Variants in ARNT2 observed in about 807,000 individuals in gnomAD.
The protein encoded by ARNT2 is aryl hydrocarbon receptor nuclear translocator 2.
Under a neutral mutation model 91.7 loss-of-function variants are expected in ARNT2, and 36 were observed. That is an observed-to-expected ratio of 0.39 (90% CI 0.30 to 0.52). The LOEUF is 0.52. Among genes scored for constraint, ARNT2 ranks in the 20% least tolerant of loss-of-function variants. The pLI is 0.72. For missense variants in ARNT2, 775 were observed against 939.3 expected (o/e 0.83, Z 2.29); for synonymous variants, 365 against 347.1 (o/e 1.05, Z -0.57).
chr15:80,455,467 C>G (rs1409476889), intron 2 of ARNT2, among the ~76,000 whole-genome samples: 1 of 152,026 alleles, frequency 6.6e-6, no homozygotes, highest in Non-Finnish European at 1.5e-5. Context: ...TTTCTCATAC[C>G]CTCTGCTTGA....
In ARNT2 at chr15:80,507,050, G is replaced by T. The variant is rs139224011; in HGVS notation, c.623-1106G>T. ...ACAGTGGGCTGGACACCAAAAGGGGGCAGTGAGTGTGGACAGAACCCTCCA... is the reference window on the plus strand; with the variant it reads ...ACAGTGGGCTGGACACCAAAAGGGGTCAGTGAGTGTGGACAGAACCCTCCA... On this transcript the variant is annotated intron_variant, in intron 5 of 18. Transcript: ENST00000303329. Among the ~76,000 whole-genome samples the T allele has an allele frequency of 5.8e-3, 877 of 152,340 alleles. 13 individuals carry two copies. The highest frequency in any genetic ancestry group is 0.021 in the African/African-American group (853 of 41,578).
chr15:80,539,966 G>A (rs1004445519), intron 8 of ARNT2, among the ~76,000 whole-genome samples: 1 of 151,920 alleles, frequency 6.6e-6, no homozygotes, highest in Non-Finnish European at 1.5e-5. Context: ...AACCACTAAG[G>A]AGAACAGTAT....
At chr15:80,431,535 C>T (rs1355336296) in intron 1 of ARNT2, among the ~76,000 whole-genome samples, 8 of 152,176 alleles carry the variant, frequency 5.3e-5, no homozygotes, top group African/African-American at 9.7e-5. Flanking sequence ...CTCCAAGTCC[C>T]GAAGCCATTC....
intron 1 of ARNT2, among the ~76,000 whole-genome samples, chr15:80,444,065 C>G (rs1392340604): frequency 6.6e-6 from 1 of 152,216 alleles, no homozygotes; most frequent in Non-Finnish European, 1.5e-5. Context: ...GGCAAACCCT[C>G]AGCTGCATGG....
At chr15:80,496,547 T>C (rs1897128010) in intron 5 of ARNT2, among the ~76,000 whole-genome samples, 1 of 152,226 alleles carries the variant, frequency 6.6e-6, no homozygotes, top group Non-Finnish European at 1.5e-5. Flanking sequence ...GTGGGATACA[T>C]GTAGCCTGCC....
chr15:80,554,581 A>G (rs1187024937), intron 10 of ARNT2: 2 of 159,730 alleles, frequency 1.3e-5, no homozygotes, highest in African/African-American at 4.8e-5. Context: ...AGCATAGACT[A>G]ATGATGATAA....
intron 5 of ARNT2, among the ~76,000 whole-genome samples, chr15:80,485,710 C>T (rs1391701944): frequency 6.6e-6 from 1 of 152,060 alleles, no homozygotes; most frequent in African/African-American, 2.4e-5. Context: ...GACTCCAAGA[C>T]CAATTGCAGG....
chr15:80,443,561 G>A (rs764989795), intron 1 of ARNT2, among the ~76,000 whole-genome samples: 2 of 152,178 alleles, frequency 1.3e-5, no homozygotes, highest in Admixed American at 6.5e-5. Context: ...CGGAGGCAGC[G>A]CTGCTGCCAG....
chr15:80,584,033 A>G (rs1314616204), intron 17 of ARNT2, among the ~76,000 whole-genome samples: 2 of 152,202 alleles, frequency 1.3e-5, no homozygotes, highest in Non-Finnish European at 2.9e-5. Context: ...CAGCTATTTG[A>G]GTGGAATAGG....
rs1898876525 is a variant in ARNT2 at position 80,585,331 on chromosome 15, TGTG to T, written c.1918+3928_1918+3930del. Among the ~76,000 whole-genome samples, 6 of 152,328 alleles carry T rather than the reference TGTG, an allele frequency of 3.9e-5. No individual in the cohort carries two copies. In the South Asian group the frequency reaches 1.2e-3, roughly 32 times the overall value. On this transcript the variant is annotated intron_variant, in intron 17 of 18. Transcript: ENST00000303329. ...TTAACAAAGTAAGTGGGGAAAGTGT[TGTG>T]CCTGTAGGGCCCAGTCAGGAGACAG...
At chr15:80,405,318 G>A (rs1375530802) in intron 1 of ARNT2, among the ~76,000 whole-genome samples, 1 of 152,182 alleles carries the variant, frequency 6.6e-6, no homozygotes, top group African/African-American at 2.4e-5. Flanking sequence ...GATGAGCAGG[G>A]TGTGGGAGAA....
At chr15:80,508,898 A>T (rs577225832) in intron 6 of ARNT2, among the ~76,000 whole-genome samples, 1 of 152,288 alleles carries the variant, frequency 6.6e-6, no homozygotes, top group Non-Finnish European at 1.5e-5. Flanking sequence ...GAGAGCTGGG[A>T]TCTTGAATCC....
At chr15:80,558,695 G>A (rs1373276551) in intron 11 of ARNT2, among the ~76,000 whole-genome samples, 2 of 151,950 alleles carry the variant, frequency 1.3e-5, no homozygotes, top group South Asian at 2.1e-4. Flanking sequence ...CCTGTACAAG[G>A]GTGGCTCTCA....
At chr15:80,517,105 C>A (rs1897448934) in intron 8 of ARNT2, among the ~76,000 whole-genome samples, 1 of 151,678 alleles carries the variant, frequency 6.6e-6, no homozygotes, top group African/African-American at 2.4e-5. Flanking sequence ...TTCCAAGGAA[C>A]TTATTTTAGT....
intron 17 of ARNT2, among the ~76,000 whole-genome samples, chr15:80,586,730 G>A (rs1336417807): frequency 6.6e-6 from 1 of 151,868 alleles, no homozygotes; most frequent in Non-Finnish European, 1.5e-5. Context: ...GCCGGGCATG[G>A]TGGTGCGCGC....
intron 8 of ARNT2, among the ~76,000 whole-genome samples, chr15:80,515,234 C>T (rs1897413225): frequency 6.6e-6 from 1 of 152,068 alleles, no homozygotes; most frequent in Non-Finnish European, 1.5e-5. Context: ...ACAGAGTTAC[C>T]ATATAATTCA....
chr15:80,404,561 G>A lies in ARNT2; in HGVS notation c.31+15G>A. On this transcript the variant is annotated intron_variant, in intron 1 of 18. Coordinates refer to ENST00000303329, the MANE Select transcript of ARNT2 (RefSeq NM_014862.4). The surrounding 1 kb of genome is among the most constrained non-coding windows in gnomAD (Gnocchi z 5.5). ...CAACCCTCCGGGTGAGTAGCGGCCT[G>A]GGCCCCGCCGCCCGCCGCAGCCCGC... 1 of 1,108,208 alleles carries A rather than the reference G, an allele frequency of 9.0e-7. No homozygotes were observed. The highest frequency in any genetic ancestry group is 1.1e-6 in the Non-Finnish European group (1 of 902,860). 68.6% of individuals were successfully genotyped at this position (1,108,208 alleles called of 1,614,324 possible).
rs1471481725 is a variant in ARNT2, at chr15:80,574,296, G to C, written c.1389+76G>C. On this transcript the variant is annotated intron_variant, in intron 13 of 18. Transcript: ENST00000303329. ...GACTTGGGACTCAATTCAGCCCTGAGCTTGAGCCCCTCAACACAAAGGATT... is the reference window on the plus strand; with the variant it reads ...GACTTGGGACTCAATTCAGCCCTGACCTTGAGCCCCTCAACACAAAGGATT... 12 of 1,415,144 alleles carry C rather than the reference G, an allele frequency of 8.5e-6. No individual in the cohort carries two copies. In the African/African-American group the frequency reaches 1.6e-4, roughly 18 times the overall value. The allele number at this position is 1,415,144 out of a possible 1,614,324, so 87.7% of individuals were successfully genotyped here. A position where few individuals can be genotyped will look rare whatever the true frequency, so the allele number is the denominator to read the frequency against.
chr15:80,581,232 A>T lies in ARNT2; in HGVS notation c.1753-7A>T. On this transcript the variant is annotated splice_polypyrimidine_tract_variant and splice_region_variant and intron_variant, in intron 16 of 18. Transcript: ENST00000303329. ...CTTTCCATCTCTTTGCTTTGTCCTG[A>T]TTGTAGCAAATCCCATCTCAGTCCA... The T allele has an allele frequency of 6.2e-7, 1 of 1,613,914 alleles. No homozygotes were observed. The highest frequency in any genetic ancestry group is 8.5e-7 in the Non-Finnish European group (1 of 1,179,958).
Sources: gnomAD v4.1 joint callset for allele counts (sites outside exome capture counted in the v4.1 genomes callset) on GRCh38, gnomAD v4.1.1 for gene constraint, Gnocchi (gnomAD v3.1) non-coding constraint, MANE v1.5 for transcripts, NCBI Gene and HGNC (gene_info 2026-07-23, HGNC 2026-07-21) for gene names.